The following ZBTB20 variants were observed in gnomAD, a reference collection of about 807,000 sequenced individuals.
ZBTB20 encodes the protein zinc finger and BTB domain-containing protein 20.
ZBTB20 carries 9 observed loss-of-function variants against 56.9 expected under a neutral mutation model. The ratio of observed to expected loss-of-function variants is 0.16; its 90% CI spans 0.10 to 0.28. The LOEUF is 0.28. Ranked by LOEUF, ZBTB20 falls within the 10% of genes least tolerant of loss-of-function variation. ZBTB20 has a pLI of 1.00. For missense variants in ZBTB20, 655 were observed against 1,003.0 expected (o/e 0.65, Z 4.69); for synonymous variants, 417 against 420.7 (o/e 0.99, Z 0.11).
At chr3:114,538,582 T>C (rs2048747059) in intron 6 of ZBTB20, among the ~76,000 whole-genome samples, 1 of 152,152 alleles carries the variant, frequency 6.6e-6, no homozygotes, top group South Asian at 2.1e-4. Context: ...TTCACAGTAA[T>C]AAAACTTTAT....
rs142153634 is a variant in ZBTB20, at chr3:115,006,460, G to GATATATATATATATATATATATAT, written c.-506-32045_-506-32044insATATATATATATATATATATATAT. Among the ~76,000 whole-genome samples the GATATATATATATATATATATATAT allele has an allele frequency of 6.0e-4, 87 of 144,326 alleles. 1 individual carries two copies. The highest frequency in any genetic ancestry group is 2.0e-3 in the African/African-American group (77 of 39,194). The allele number at this position is 144,326 out of a possible 152,430, so 94.7% of individuals were successfully genotyped here. ...TATAGTCATAAAATTTATCCAGTTGGATATATATATATATATATATAACCA... is the reference window on the plus strand; with the variant it reads ...TATAGTCATAAAATTTATCCAGTTGGATATATATATATATATATATATATATATATATATATATATATATAACCA... On this transcript the variant is annotated intron_variant, in intron 2 of 11. Transcript: ENST00000675478.
Position 114,498,101 on chromosome 3 carries a change from T to G in ZBTB20, c.-255+2251A>C, listed in dbSNP as rs139848269. Among the ~76,000 whole-genome samples, 627 of 152,344 alleles carry G rather than the reference T, an allele frequency of 4.1e-3. 8 individuals are homozygous for G. The highest frequency in any genetic ancestry group is 0.021 in the East Asian group (110 of 5,182). On this transcript the variant is annotated intron_variant, in intron 7 of 11. Transcript: ENST00000675478. ...TATTCAATACTGAAAGATATTGTCC[T>G]GAGAATAAATCTGAATCTGAATTGT...
intron 7 of ZBTB20, among the ~76,000 whole-genome samples, chr3:114,431,521 A>C (rs540701622): frequency 6.6e-6 from 1 of 152,344 alleles, no homozygotes; most frequent in South Asian, 2.1e-4. Flanking sequence ...AAAGTTATTT[A>C]TTATTTACAA....
chr3:114,347,275 T>C (rs1384918084), intron 11 of ZBTB20, among the ~76,000 whole-genome samples: 1 of 152,026 alleles, frequency 6.6e-6, no homozygotes, highest in Non-Finnish European at 1.5e-5. Context: ...AGTTACTGAA[T>C]TGCTAAGACA....
At chr3:114,802,750 T>G (rs1469493677) in intron 4 of ZBTB20, among the ~76,000 whole-genome samples, 1 of 151,896 alleles carries the variant, frequency 6.6e-6, no homozygotes, top group African/African-American at 2.4e-5. Flanking sequence ...TTCAGAAATT[T>G]AAAACTGCCC....
intron 5 of ZBTB20, among the ~76,000 whole-genome samples, chr3:114,771,389 T>A (rs571796564): frequency 2.0e-5 from 3 of 152,314 alleles, no homozygotes; most frequent in Admixed American, 1.3e-4. Flanking sequence ...TTTATAAGCA[T>A]ATATTCAGGT....
chr3:114,636,420 A>G (rs1467220322), intron 6 of ZBTB20, among the ~76,000 whole-genome samples: 4 of 152,112 alleles, frequency 2.6e-5, no homozygotes, highest in Non-Finnish European at 5.9e-5. Flanking sequence ...TAGTGTGTAA[A>G]TCACTTTCAA....
At chr3:114,441,109 T>C (rs540702244) in intron 7 of ZBTB20, among the ~76,000 whole-genome samples, 1 of 152,302 alleles carries the variant, frequency 6.6e-6, no homozygotes, top group Admixed American at 6.5e-5. Flanking sequence ...TTGTCTCTTA[T>C]CATGCTTCTG....
At chr3:114,666,984 G>T (rs1373750403) in intron 6 of ZBTB20, among the ~76,000 whole-genome samples, 1 of 152,030 alleles carries the variant, frequency 6.6e-6, no homozygotes, top group African/African-American at 2.4e-5. Context: ...AAAAGCTTTG[G>T]TGATATTCTA....
chr3:114,849,999 A>C (rs2074919697), intron 4 of ZBTB20, among the ~76,000 whole-genome samples: 1 of 146,388 alleles, frequency 6.8e-6, no homozygotes. Context: ...TCCTGGATTC[A>C]AGCTGTTTTC....
At chr3:114,349,849 A>G (rs1033682863) in intron 11 of ZBTB20, among the ~76,000 whole-genome samples, 2 of 152,248 alleles carry the variant, frequency 1.3e-5, no homozygotes, top group Non-Finnish European at 2.9e-5. Context: ...AAACTGAAGT[A>G]TAGACAAGTT....
rs67371620 is a variant in ZBTB20 at position 114,753,413 on chromosome 3, G to GTATATATATA, written c.-343+47678_-343+47687dup. ...CATGTATGTATATATATACACACACGTATATATATATATATATATACACAC... is the reference window on the plus strand; with the variant it reads ...CATGTATGTATATATATACACACACGTATATATATATATATATATATATATATATACACAC... On this transcript the variant is annotated intron_variant, in intron 5 of 11. Coordinates refer to ENST00000675478, the MANE Select transcript of ZBTB20 (RefSeq NM_001348800.3). 9.5e-4 allele frequency among the ~76,000 whole-genome samples: 45 copies of GTATATATATA among 47,598 alleles called. 6 individuals are homozygous for GTATATATATA. Among genetic ancestry groups the GTATATATATA allele is most frequent in the African/African-American group, 2.2e-3 (42 of 18,740 alleles). 31.2% of individuals were successfully genotyped at this position (47,598 alleles called of 152,430 possible).
intron 6 of ZBTB20, among the ~76,000 whole-genome samples, chr3:114,652,757 T>C (rs1472570179): frequency 4.6e-5 from 7 of 152,004 alleles, no homozygotes; most frequent in Non-Finnish European, 8.8e-5. Context: ...TTGCATTGAA[T>C]CTACAGATAA....
chr3:114,731,147 A>G (rs1302648493), intron 5 of ZBTB20, among the ~76,000 whole-genome samples: 2 of 152,180 alleles, frequency 1.3e-5, no homozygotes, highest in Non-Finnish European at 2.9e-5. Context: ...ACTGTCATTC[A>G]TATACTTGAA....
At chr3:115,106,449 G>C (rs1303464531) in intron 1 of ZBTB20, among the ~76,000 whole-genome samples, 1 of 151,522 alleles carries the variant, frequency 6.6e-6, no homozygotes, top group East Asian at 2.0e-4. Flanking sequence ...TAGCCAGGAT[G>C]GTCTCGATCT....
intron 6 of ZBTB20, among the ~76,000 whole-genome samples, chr3:114,575,598 A>T (rs574768089): frequency 8.5e-5 from 13 of 152,252 alleles, no homozygotes; most frequent in Admixed American, 2.6e-4. Flanking sequence ...AAATAAAAAA[A>T]AAAAAAATAG....
At chr3:114,700,235 T>G (rs1415632597) in intron 5 of ZBTB20, among the ~76,000 whole-genome samples, 1 of 152,106 alleles carries the variant, frequency 6.6e-6, no homozygotes, top group Non-Finnish European at 1.5e-5. Context: ...TTTCATCTTT[T>G]TATCAAACTT....
At chr3:114,547,664 G>T (rs2050054874) in intron 6 of ZBTB20, among the ~76,000 whole-genome samples, 1 of 152,048 alleles carries the variant, frequency 6.6e-6, no homozygotes, top group Admixed American at 6.6e-5. Flanking sequence ...AGATTTAGGA[G>T]TAATACCTCC....
At chr3:115,132,326 A>G (rs895739931) in intron 1 of ZBTB20, among the ~76,000 whole-genome samples, 1 of 152,158 alleles carries the variant, frequency 6.6e-6, no homozygotes, top group African/African-American at 2.4e-5. Context: ...AAAAAGTCTC[A>G]TAGATGCCCA....
Sources: allele counts gnomAD v4.1 joint callset (sites outside exome capture counted in the v4.1 genomes callset), GRCh38; gene constraint gnomAD v4.1.1; transcripts MANE v1.5; gene names NCBI Gene and HGNC (gene_info 2026-07-23, HGNC 2026-07-21).